The following PHKA1 variants were observed in gnomAD, a reference collection of about 807,000 sequenced individuals.
PHKA1 encodes phosphorylase b kinase regulatory subunit alpha, skeletal muscle isoform.
A neutral mutation model predicts 110.2 loss-of-function variants in PHKA1; 60 were observed. The ratio of observed to expected loss-of-function variants is 0.54; its 90% CI spans 0.44 to 0.68. The LOEUF is 0.68. Among genes scored for constraint, PHKA1 ranks in the 30% least tolerant of loss-of-function variants. The pLI is 0.00. For synonymous variants in PHKA1, 316 were observed against 333.6 expected (o/e 0.95, Z 0.58); for missense variants, 801 against 942.5 (o/e 0.85, Z 1.97).
intron 17 of PHKA1, 122 bp downstream of exon 17, chrX:72,626,849 G>A (rs782407676): frequency 2.8e-5 from 16 of 576,716 alleles, no homozygotes; most frequent in Admixed American, 1.2e-4. Context: ...CTGAAATATC[G>A]GAGTCAAATT....
chrX:72,589,020 T>C (rs782469333), intron 29 of PHKA1, among the ~76,000 whole-genome samples: 17 of 111,871 alleles, frequency 1.5e-4, no homozygotes, highest in Non-Finnish European at 3.0e-4. Flanking sequence ...GCTGGTACCA[T>C]TCCTTCTGAA....
chrX:72,621,047 G>A (rs1466848644), intron 18 of PHKA1, 146 bp from the exon 19 acceptor site: 9 of 596,035 alleles, frequency 1.5e-5, no homozygotes, highest in Non-Finnish European at 1.8e-5. Flanking sequence ...TGGAGGAAAA[G>A]CTTGTGATCA....
At chrX:72,601,929 A>G (rs1556243510) in intron 28 of PHKA1, 62 bp downstream of exon 28, 2 of 830,619 alleles carry the variant, frequency 2.4e-6, no homozygotes, top group East Asian at 6.5e-5. Context: ...CCATGAGCTC[A>G]TGCATGTTAT....
chrX:72,681,771 C>A (rs1250949577), intron 5 of PHKA1, among the ~76,000 whole-genome samples: 1 of 53,341 alleles, frequency 1.9e-5, no homozygotes. Flanking sequence ...AGGTGAGGGG[C>A]GCCTCTGCCC....
In PHKA1 at chrX:72,713,937, G is replaced by A. The variant is rs782238397; in HGVS notation, c.-57C>T. ...TAGCCCGGGTGCCACCGGAGCCTTC[G>A]GTCCCTAAGGAACAAGTATCCAACG... On this transcript the variant is annotated 5_prime_UTR_variant, in exon 1 of 32. Coordinates refer to ENST00000373542, the MANE Select transcript of PHKA1 (RefSeq NM_002637.4). The A allele has an allele frequency of 1.2e-5, 11 of 886,834 alleles. No individual in the cohort carries two copies. The East Asian group carries it at 3.5e-4, about 28-fold the overall frequency. 73.1% of individuals were successfully genotyped at this position (886,834 alleles called of 1,213,427 possible).
intron 21 of PHKA1, among the ~76,000 whole-genome samples, chrX:72,615,538 C>T (rs2052880273): frequency 9.0e-6 from 1 of 110,506 alleles, no homozygotes; most frequent in African/African-American, 3.3e-5. Context: ...TTACTGTAAT[C>T]ATAGTTAAAT....
chrX:72,584,352 T>G (rs1288601091), intron 29 of PHKA1, 50 bp from the exon 30 acceptor site: 1 of 1,086,551 alleles, frequency 9.2e-7, no homozygotes, highest in East Asian at 3.0e-5. Context: ...TCACCAAGGA[T>G]AGACAAACAA....
At chrX:72,667,229 T>A in intron 7 of PHKA1, 146 bp downstream of exon 7, 1 of 507,485 alleles carries the variant, frequency 2.0e-6, no homozygotes, top group Non-Finnish European at 3.5e-6. Flanking sequence ...CAGTATAGTA[T>A]GCTTGTTAAA....
intron 2 of PHKA1, among the ~76,000 whole-genome samples, chrX:72,707,376 C>T (rs1444957271): frequency 3.6e-5 from 4 of 112,025 alleles, no homozygotes; most frequent in African/African-American, 6.5e-5. Flanking sequence ...GAAGTTTAGA[C>T]ATTCCCACCT....
chrX:72,645,982 C>T (rs1274549616), intron 13 of PHKA1, among the ~76,000 whole-genome samples: 1 of 111,532 alleles, frequency 9.0e-6, no homozygotes, highest in Non-Finnish European at 1.9e-5. Flanking sequence ...AGGATATAGC[C>T]CTTCTAGGAA....
chrX:72,623,782 AT>A (rs2053014166), intron 17 of PHKA1, among the ~76,000 whole-genome samples: 1 of 111,905 alleles, frequency 8.9e-6, no homozygotes, highest in South Asian at 3.7e-4. Flanking sequence ...GCATTACCAA[AT>A]TTCTAAAGAG....
chrX:72,708,660 CTG>C (rs2054324895), intron 2 of PHKA1, among the ~76,000 whole-genome samples: 1 of 111,793 alleles, frequency 8.9e-6, no homozygotes, highest in Non-Finnish European at 1.9e-5. Context: ...AATCAACAGA[CTG>C]GTGTGCATGC....
chrX:72,601,871 C>T (rs782245803), intron 28 of PHKA1, 120 bp downstream of exon 28: 5 of 545,723 alleles, frequency 9.2e-6, no homozygotes, highest in South Asian at 7.8e-5. Flanking sequence ...GTTATAAAGG[C>T]GATTCAAACA....
chrX:72,606,851 C>A (rs191409745), intron 23 of PHKA1, among the ~76,000 whole-genome samples: 7 of 111,592 alleles, frequency 6.3e-5, no homozygotes, highest in African/African-American at 2.3e-4. Flanking sequence ...ACCATCTCCA[C>A]CCCCAACGCC....
chrX:72,660,745 G>T, intron 8 of PHKA1: 1 of 282,316 alleles, frequency 3.5e-6, no homozygotes, highest in South Asian at 4.9e-5. Context: ...AAGATTTAAG[G>T]GTTTCAAAGA....
At chrX:72,680,249 G>C (rs984085203) in intron 5 of PHKA1, among the ~76,000 whole-genome samples, 2 of 111,608 alleles carry the variant, frequency 1.8e-5, no homozygotes, top group Non-Finnish European at 3.8e-5. Context: ...CCCAACCTCA[G>C]GTGATCCACC....
intron 14 of PHKA1, among the ~76,000 whole-genome samples, chrX:72,642,935 T>C (rs375570567): frequency 2.7e-5 from 3 of 111,843 alleles, no homozygotes; most frequent in African/African-American, 9.7e-5. Context: ...GGGACATTCC[T>C]ACATCATAGC....
In PHKA1 at chrX:72,620,826, G is replaced by T; in HGVS notation, c.2036C>A (p.Pro679His). ...AHTAPHPKLA[P>H]TSQKGGLDRF... ...ATCTAGCCCTCCCTTCTGTGAGGTA[G>T]GGGCTAGTTTAGGATGGGGAGCAGT... Residue 679 changes from proline (P) to histidine (H), a missense_variant, in exon 19 of 32, where the codon CCT (proline) becomes CAT (histidine). Transcript: ENST00000373542. 1 of 1,210,279 alleles carries T rather than the reference G, an allele frequency of 8.3e-7. No individual in the cohort carries two copies. Among genetic ancestry groups the T allele is most frequent in the Non-Finnish European group, 1.1e-6 (1 of 894,588 alleles).
chrX:72,652,145 T>C (rs1556299376), intron 12 of PHKA1, among the ~76,000 whole-genome samples: 5 of 111,988 alleles, frequency 4.5e-5, no homozygotes, highest in Non-Finnish European at 1.9e-5. Context: ...CCTAAAAATA[T>C]CAGTTAATTT....
Sources: allele counts gnomAD v4.1 joint callset (sites outside exome capture counted in the v4.1 genomes callset), GRCh38; gene constraint gnomAD v4.1.1; transcripts MANE v1.5; gene names NCBI Gene and HGNC (gene_info 2026-07-23, HGNC 2026-07-21).